ST8SIA5: variants seen among roughly 807,000 people sequenced by gnomAD.
ST8SIA5 encodes the protein alpha-2,8-sialyltransferase 8E.
In ST8SIA5, 24 loss-of-function variants were observed where a neutral mutation model predicts 40.2. That is an observed-to-expected ratio of 0.60 (90% CI 0.43 to 0.84). The LOEUF (loss-of-function observed/expected upper bound fraction) is 0.84. ST8SIA5 is among the 40% of genes least tolerant of loss of function. The pLI is 0.00. For synonymous variants in ST8SIA5, 198 were observed against 201.8 expected, an observed-to-expected ratio of 0.98 and a Z score of 0.16; for missense variants, 465 against 498.5, an observed-to-expected ratio of 0.93 and a Z score of 0.64.
At position 46,725,972 on chromosome 18, in the gene ST8SIA5, A is replaced by AAAAATAT. The variant is rs59660372; in HGVS notation, c.132-21309_132-21308insATATTTT. ...CCCATCTCTACTTAAAAAAAAAAAA[A>AAAAATAT]ATATATATATATATATATATATATA... On this transcript the variant is annotated intron_variant, in intron 1 of 6. Transcript: ENST00000315087. Among the ~76,000 whole-genome samples, 178 of 29,042 alleles carry AAAAATAT rather than the reference A, an allele frequency of 6.1e-3. 7 individuals are homozygous for AAAAATAT. The highest frequency in any genetic ancestry group is 9.7e-3 in the East Asian group (9 of 932). 19.1% of individuals were successfully genotyped at this position (29,042 alleles called of 152,430 possible).
intron 1 of ST8SIA5, among the ~76,000 whole-genome samples, chr18:46,718,344 AAG>A (rs1491452656): frequency 8.0e-5 from 12 of 150,464 alleles, no homozygotes; most frequent in African/African-American, 3.0e-4. Flanking sequence ...AAAAAAAAAA[AAG>A]AAAAAAAATT....
intron 5 of ST8SIA5, among the ~76,000 whole-genome samples, chr18:46,683,102 G>T (rs1043865098): frequency 6.6e-6 from 1 of 152,042 alleles, no homozygotes; most frequent in Non-Finnish European, 1.5e-5. Flanking sequence ...CATTGTTCAG[G>T]GGTACATCTA....
chr18:46,709,829 A>G (rs911666434), intron 1 of ST8SIA5, among the ~76,000 whole-genome samples: 1 of 152,172 alleles, frequency 6.6e-6, no homozygotes, highest in Non-Finnish European at 1.5e-5. Context: ...GTGTTTTTAT[A>G]AGTTTTCTGC....
intron 1 of ST8SIA5, among the ~76,000 whole-genome samples, chr18:46,721,092 A>C (rs749052708): frequency 6.6e-6 from 1 of 151,982 alleles, no homozygotes; most frequent in Non-Finnish European, 1.5e-5. Context: ...CCCTAAATGG[A>C]GGTTTGAGAC....
chr18:46,712,511 AG>A (rs1411759805), intron 1 of ST8SIA5, among the ~76,000 whole-genome samples: 6 of 152,172 alleles, frequency 3.9e-5, no homozygotes, highest in African/African-American at 1.4e-4. Context: ...GAGTCAGCCC[AG>A]GGGTCAGCTT....
At chr18:46,693,370 G>C (rs751082659) in intron 2 of ST8SIA5, among the ~76,000 whole-genome samples, 3 of 152,124 alleles carry the variant, frequency 2.0e-5, no homozygotes, top group African/African-American at 7.2e-5. Context: ...CTCAAGGGTG[G>C]ATCACAGTTT....
chr18:46,750,088 A>G (rs1187779284), intron 1 of ST8SIA5, among the ~76,000 whole-genome samples: 1 of 152,222 alleles, frequency 6.6e-6, no homozygotes, highest in African/African-American at 2.4e-5. Context: ...ATAGCAGCCC[A>G]AACAAACTAA....
intron 1 of ST8SIA5, among the ~76,000 whole-genome samples, chr18:46,711,053 A>T (rs777704425): frequency 6.6e-6 from 1 of 152,184 alleles, no homozygotes; most frequent in Non-Finnish European, 1.5e-5. Flanking sequence ...AGTCTCAGAG[A>T]ACCATGGAGT....
At chr18:46,725,976 T>A (rs1283567508) in intron 1 of ST8SIA5, among the ~76,000 whole-genome samples, 13,153 of 38,164 alleles carry the variant, frequency 0.34, 2,498 homozygotes, top group East Asian at 0.63. Context: ...AAAAAAAATA[T>A]ATATATATAT....
chr18:46,727,185 G>A (rs973733013), intron 1 of ST8SIA5, among the ~76,000 whole-genome samples: 2 of 152,326 alleles, frequency 1.3e-5, no homozygotes, highest in African/African-American at 2.4e-5. Context: ...GCCACCTCAC[G>A]CCCATACTTA....
intron 1 of ST8SIA5, among the ~76,000 whole-genome samples, chr18:46,736,846 C>G (rs2040039484): frequency 6.6e-6 from 1 of 152,108 alleles, no homozygotes. Flanking sequence ...AGAACCCCCA[C>G]AGTGTGGCAT....
chr18:46,704,929 A>C lies in ST8SIA5; in HGVS notation c.132-265T>G, dbSNP rs191579491. ...CATAAACAGATTTCAGCACACAGGG[A>C]AATTCAGAAGCAGGTTTGGTTCCAA... On this transcript the variant is annotated intron_variant, in intron 1 of 6. Transcript: ENST00000315087. Among the ~76,000 whole-genome samples, 33 of 152,300 alleles carry C rather than the reference A, an allele frequency of 2.2e-4. 1 individual carries two copies. Among genetic ancestry groups the C allele is most frequent in the Admixed American group, 2.0e-3 (30 of 15,312 alleles).
intron 5 of ST8SIA5, among the ~76,000 whole-genome samples, chr18:46,682,581 A>G (rs2039408355): frequency 1.3e-5 from 2 of 152,220 alleles, no homozygotes; most frequent in Non-Finnish European, 2.9e-5. Flanking sequence ...AAAGCCCCAT[A>G]GTAGGAAGAG....
chr18:46,702,057 G>T (rs112746949), intron 2 of ST8SIA5, among the ~76,000 whole-genome samples: 2,245 of 149,370 alleles, frequency 0.015, 53 homozygotes, highest in African/African-American at 0.053. Context: ...TGAGGCAGGA[G>T]AATTGCTTGA....
chr18:46,719,999 C>T (rs915866431), intron 1 of ST8SIA5, among the ~76,000 whole-genome samples: 1 of 151,750 alleles, frequency 6.6e-6, no homozygotes, highest in Non-Finnish European at 1.5e-5. Flanking sequence ...CCACCACACC[C>T]GGCTAATTTT....
At chr18:46,696,205 G>A (rs779834724) in intron 2 of ST8SIA5, among the ~76,000 whole-genome samples, 1 of 152,158 alleles carries the variant, frequency 6.6e-6, no homozygotes, top group Non-Finnish European at 1.5e-5. Flanking sequence ...CTGGCTGACA[G>A]AAGGCAAACC....
At chr18:46,728,730 C>T (rs1339602400) in intron 1 of ST8SIA5, among the ~76,000 whole-genome samples, 1 of 152,186 alleles carries the variant, frequency 6.6e-6, no homozygotes, top group Non-Finnish European at 1.5e-5. Flanking sequence ...CCCCCACATG[C>T]TCTGGAGAGT....
chr18:46,716,796 A>G (rs968731576), intron 1 of ST8SIA5, among the ~76,000 whole-genome samples: 1 of 152,250 alleles, frequency 6.6e-6, no homozygotes, highest in African/African-American at 2.4e-5. Flanking sequence ...GTGCAATGAC[A>G]GAAGTTGCCC....
chr18:46,723,172 C>G (rs1415513596), intron 1 of ST8SIA5: 3 of 164,898 alleles, frequency 1.8e-5, no homozygotes, highest in East Asian at 3.2e-4. Flanking sequence ...TCAGATTATT[C>G]CATTCTCCGA....
Sources: gnomAD v4.1 joint callset for allele counts (sites outside exome capture counted in the v4.1 genomes callset) on GRCh38, gnomAD v4.1.1 for gene constraint, MANE v1.5 for transcripts, NCBI Gene and HGNC (gene_info 2026-07-23, HGNC 2026-07-21) for gene names.